IGSF22: variants seen among roughly 807,000 people sequenced by gnomAD.
IGSF22 encodes immunoglobulin superfamily member 22.
Under a neutral mutation model 127.0 loss-of-function variants are expected in IGSF22, and 119 were observed. The ratio of observed to expected loss-of-function variants is 0.94; its 90% CI spans 0.81 to 1.09. The LOEUF is 1.09. Among genes scored for constraint, IGSF22 ranks in the 50% least tolerant of loss-of-function variants. The probability of loss-of-function intolerance (pLI) is 0.00; values close to 1 mark genes in which losing one functional copy is unlikely to be tolerated. For synonymous variants in IGSF22, 568 were observed against 664.7 expected (o/e 0.85, Z 2.24); for missense variants, 1,518 against 1,716.6 (o/e 0.88, Z 2.04).
chr11:18,712,213 C>T lies in IGSF22; in HGVS notation c.2267G>A (p.Gly756Asp). Reference sequence around the variant, plus strand: ...GTTGGTGGAGAAGTTGGTGACTTTGCCGTCCACCTCGCCTATCTTAATCCA... The same window carrying T: ...GTTGGTGGAGAAGTTGGTGACTTTGTCGTCCACCTCGCCTATCTTAATCCA... ...KSWIKIGEVD[G>D]KVTNFSTNKV... Residue 756 changes from glycine (G) to aspartate (D), a missense_variant, in exon 15 of 23, where the codon GGC becomes GAC. By Grantham distance (94) the Gly-to-Asp change is moderately conservative. This residue lies in a region of IGSF22 where 1,456 missense variants were observed against 1,644.9 expected (regional missense o/e 0.89). Coordinates refer to ENST00000513874, the MANE Select transcript of IGSF22 (RefSeq NM_173588.4). 6.4e-7 allele frequency: 1 copy of T among 1,551,716 alleles called. No homozygotes were observed. Among genetic ancestry groups the T allele is most frequent in the East Asian group, 2.4e-5 (1 of 40,914 alleles).
chr11:18,709,648 C>A lies in IGSF22; in HGVS notation c.2737G>T (p.Asp913Tyr), dbSNP rs764633590. 1 of 1,614,096 alleles carries A rather than the reference C, an allele frequency of 6.2e-7. No homozygotes were observed. Among genetic ancestry groups the A allele is most frequent in the East Asian group, 2.2e-5 (1 of 44,866 alleles). Reference sequence around the variant, plus strand: ...AGGGAAATGCTGGAGTTGGAGGAATCAGATACATGCAGGTCCTGGACCAGG... The same window carrying A: ...AGGGAAATGCTGGAGTTGGAGGAATAAGATACATGCAGGTCCTGGACCAGG... ...PGLVQDLHVSDSSNSSISLAW... is the reference protein window; with the variant it reads ...PGLVQDLHVSYSSNSSISLAW... Residue 913 changes from aspartate to tyrosine, a missense_variant, in exon 18 of 23, where the codon GAT becomes TAT. This residue lies in a region of IGSF22 where 1,456 missense variants were observed against 1,644.9 expected (regional missense o/e 0.89). Transcript: ENST00000513874. This position sits in a 1 kb window ranked among gnomAD's most constrained non-coding sequence, Gnocchi z 4.8.
rs12361825 is a variant in IGSF22, at chr11:18,706,876, C to T, written c.3580+38G>A. The T allele has an allele frequency of 9.6e-3, 13,793 of 1,438,364 alleles. 113 individuals are homozygous for T. The highest frequency in any genetic ancestry group is 0.04 in the East Asian group (1,578 of 39,644). 89.1% of individuals were successfully genotyped at this position (1,438,364 alleles called of 1,614,324 possible). Reference sequence around the variant, plus strand: ...CCTTATGTCATCCCCACCATCAGGGCACCCAGACTTAACCCTAACTGCAAG... The same window carrying T: ...CCTTATGTCATCCCCACCATCAGGGTACCCAGACTTAACCCTAACTGCAAG... On this transcript the variant is annotated intron_variant, in intron 21 of 22. Transcript: ENST00000513874.
Position 18,707,942 on chromosome 11 carries a change from G to T in IGSF22, c.3142C>A (p.Arg1048=), listed in dbSNP as rs776165172. ...TTTTTGCTCTTGGTAATTGTCTCTCGGCCCTTGGTGGGAACGCCATCTTTC... is the reference window on the plus strand; with the variant it reads ...TTTTTGCTCTTGGTAATTGTCTCTCTGCCCTTGGTGGGAACGCCATCTTTC... ...WQKDGVPTKG[R]ETITKSKNHS... is the part of the protein sequence containing the mutation. Residue 1048 remains arginine (R), a synonymous_variant, in exon 20 of 23, where the codon CGA becomes AGA. Transcript: ENST00000513874. The T allele has an allele frequency of 1.2e-6, 2 of 1,614,136 alleles. No individual in the cohort carries two copies. Among genetic ancestry groups the T allele is most frequent in the Admixed American group, 3.3e-5 (2 of 60,028 alleles).
At position 18,721,679 on chromosome 11, in the gene IGSF22, G is replaced by T; in HGVS notation, c.242-8C>A. ...GGAACACGGCTTTGTCCCCTGCGATGAGCACAGGACGCGTTTTCGCCTCTT... is the reference window on the plus strand; with the variant it reads ...GGAACACGGCTTTGTCCCCTGCGATTAGCACAGGACGCGTTTTCGCCTCTT... On this transcript the variant is annotated splice_region_variant and splice_polypyrimidine_tract_variant and intron_variant, in intron 3 of 22. Transcript: ENST00000513874. 1.9e-6 allele frequency: 3 copies of T among 1,614,186 alleles called. No individual in the cohort carries two copies. The highest frequency in any genetic ancestry group is 2.5e-6 in the Non-Finnish European group (3 of 1,180,040).
At chr11:18,706,423 G>C (rs1407377290) in intron 21 of IGSF22, 2 of 506,504 alleles carry the variant, frequency 3.9e-6, no homozygotes, top group Non-Finnish European at 3.5e-6. Context: ...TCCAGCGCCA[G>C]CTTCCTGGAC....
In IGSF22 at chr11:18,724,258, T is replaced by G; in HGVS notation, c.-22A>C. The G allele has an allele frequency of 6.4e-7, 1 of 1,573,712 alleles. No homozygotes were observed. Among genetic ancestry groups the G allele is most frequent in the East Asian group, 2.2e-5 (1 of 44,584 alleles). ...TCATGGTGACAGCAGGCGTGGGCAC[T>G]CACCTGTGAGACTGGGGAAGAGGAT... On this transcript the variant is annotated 5_prime_UTR_variant, in exon 2 of 23. Coordinates refer to ENST00000513874, the MANE Select transcript of IGSF22 (RefSeq NM_173588.4).
Position 18,707,137 on chromosome 11 carries a change from G to C in IGSF22, c.3357C>G (p.Ser1119Arg), listed in dbSNP as rs1192765786. The change falls in exon 21 of 23, where the codon AGC becomes AGG. Residue 1119 changes from serine (S) to arginine (R), a missense_variant. By Grantham distance (110) the Ser-to-Arg change is moderately radical. Transcript: ENST00000513874. ...PNTVTLTWNH[S>R]PDVQEDGEAH... is the part of the protein sequence containing the mutation. ...CCTCACCGTCCTCCTGCACATCTGGGCTGTGGTTCCAGGTCAGAGTCACTG... is the reference window on the plus strand; with the variant it reads ...CCTCACCGTCCTCCTGCACATCTGGCCTGTGGTTCCAGGTCAGAGTCACTG... 1 of 1,551,628 alleles carries C rather than the reference G, an allele frequency of 6.4e-7. No individual in the cohort carries two copies. The highest frequency in any genetic ancestry group is 2.0e-5 in the Admixed American group (1 of 51,002).
rs533509427 is a variant in IGSF22, at chr11:18,705,898, G to GC, written c.3828dup (p.Leu1277AlafsTer28). 11 of 1,551,710 alleles carry GC rather than the reference G, an allele frequency of 7.1e-6. No individual in the cohort carries two copies. In the South Asian group the frequency reaches 1.3e-4, roughly 18 times the overall value. The stretch of plus-strand genomic sequence containing the variant: ...ACGCTGTAATCGCCGCTGTCCTTGA[G>GC]CGTGCAGGTGGGGATGACGAGGGTG... On this transcript the variant is annotated frameshift_variant, in exon 22 of 23. Coordinates refer to ENST00000513874, the MANE Select transcript of IGSF22 (RefSeq NM_173588.4). LOFTEE classifies it high-confidence loss of function.
intron 20 of IGSF22, 88 bp from the exon 21 acceptor site, chr11:18,707,301 A>G (rs1337028311): frequency 5.2e-5 from 63 of 1,219,436 alleles, no homozygotes; most frequent in Non-Finnish European, 7.0e-5. Flanking sequence ...CCGATGGAAG[A>G]TAAGATGGGG....
rs1019152146 is a variant in IGSF22, at chr11:18,707,003, T to C, written c.3491A>G (p.Lys1164Arg). The C allele has an allele frequency of 1.3e-6, 2 of 1,551,338 alleles. No homozygotes were observed. The highest frequency in any genetic ancestry group is 3.9e-5 in the Admixed American group (2 of 50,968). The change falls in exon 21 of 23, where the codon AAG (lysine) becomes AGG (arginine). Residue 1164 changes from lysine to arginine, a missense_variant. Physicochemically the swap from Lys to Arg is conservative, Grantham distance 26. Transcript: ENST00000513874. ...YTVTGLLPGR[K>R]YYFRVVARNE... ...CCGAGCCACCACTCTGAAGTAGTAC[T>C]TCCTGCCTGGGAGCAGCCCCGTCAC...
At chr11:18,704,612 C>T in intron 22 of IGSF22, 74 bp from the exon 23 acceptor site, 2 of 963,600 alleles carry the variant, frequency 2.1e-6, no homozygotes, top group Non-Finnish European at 1.6e-6. Flanking sequence ...GCTGGACTTC[C>T]TATGCAGGAA....
intron 15 of IGSF22, among the ~76,000 whole-genome samples, chr11:18,711,154 A>C (rs1250233326): frequency 2.6e-5 from 4 of 151,156 alleles, no homozygotes; most frequent in East Asian, 1.9e-4. Context: ...CAAAAAAAAA[A>C]CCACTGACAA....
intron 15 of IGSF22, among the ~76,000 whole-genome samples, chr11:18,711,418 G>C (rs1848354109): frequency 6.6e-6 from 1 of 152,152 alleles, no homozygotes; most frequent in South Asian, 2.1e-4. Flanking sequence ...TTATTTTTGA[G>C]ACGAAGTCTC....
intron 14 of IGSF22, among the ~76,000 whole-genome samples, 187 bp from the exon 15 acceptor site, chr11:18,712,571 C>T (rs898300428): frequency 5.9e-5 from 9 of 152,180 alleles, no homozygotes; most frequent in Admixed American, 1.3e-4. Context: ...TCCTTGCCCC[C>T]GTGAGTTTCC....
At chr11:18,708,174 A>G (rs1468855564) in intron 19 of IGSF22, 33 bp downstream of exon 19, 1 of 1,530,758 alleles carries the variant, frequency 6.5e-7, no homozygotes, top group Non-Finnish European at 8.8e-7. Flanking sequence ...TTATGTGGAC[A>G]GTGTATGGAG....
In IGSF22 at chr11:18,707,018, A is replaced by AGGG. The variant is rs1848249750; in HGVS notation, c.3475_3476insCCC (p.Gly1158_Leu1159insPro). 6.4e-7 allele frequency: 1 copy of AGGG among 1,551,460 alleles called. No individual in the cohort carries two copies. Among genetic ancestry groups the AGGG allele is most frequent in the African/African-American group, 1.4e-5 (1 of 73,040 alleles). On this transcript the variant is annotated inframe_insertion, in exon 21 of 23. Coordinates refer to ENST00000513874, the MANE Select transcript of IGSF22 (RefSeq NM_173588.4). ...GAAGTAGTACTTCCTGCCTGGGAGC[A>AGGG]GCCCCGTCACTGTGTACTTGTTGCT... is the stretch of plus-strand genomic sequence containing the variant.
chr11:18,721,133 C>A (rs1848563513), intron 4 of IGSF22, among the ~76,000 whole-genome samples: 1 of 152,174 alleles, frequency 6.6e-6, no homozygotes, highest in South Asian at 2.1e-4. Flanking sequence ...CTGACCCTCA[C>A]CCCTACTCTA....
At chr11:18,719,314 T>TA (rs906821458) in intron 7 of IGSF22, among the ~76,000 whole-genome samples, 2 of 137,060 alleles carry the variant, frequency 1.5e-5, no homozygotes, top group African/African-American at 5.6e-5. Context: ...CCAGCGGTTT[T>TA]TTTTTGTTTT....
At chr11:18,725,000 T>C (rs945824927) in intron 1 of IGSF22, among the ~76,000 whole-genome samples, 13 of 151,480 alleles carry the variant, frequency 8.6e-5, no homozygotes, top group Admixed American at 8.6e-4. Flanking sequence ...TCTTATCATC[T>C]TCCTTTTTTT....
Sources: allele counts gnomAD v4.1 joint callset (sites outside exome capture counted in the v4.1 genomes callset), GRCh38; gene constraint gnomAD v4.1.1; regional missense constraint gnomAD v4.1.1; non-coding constraint Gnocchi (gnomAD v3.1); transcripts MANE v1.5; gene names NCBI Gene and HGNC (gene_info 2026-07-23, HGNC 2026-07-21).